COL19A1: variants seen among roughly 807,000 people sequenced by gnomAD.
COL19A1 encodes collagen alpha-1(XIX) chain.
A neutral mutation model predicts 190.2 loss-of-function variants in COL19A1; 159 were observed. The observed-to-expected ratio is 0.84, with a 90% CI of 0.73 to 0.95. The LOEUF is 0.95. Ranked by LOEUF, COL19A1 falls within the 40% of genes least tolerant of loss-of-function variation. The pLI is 0.00. For missense variants in COL19A1, 1,418 were observed against 1,431.9 expected (o/e 0.99, Z 0.16); for synonymous variants, 509 against 458.9 (o/e 1.11, Z -1.39).
chr6:70,176,740 T>C (rs1057087407), intron 42 of COL19A1, among the ~76,000 whole-genome samples, 176 bp downstream of exon 42: 1 of 152,210 alleles, frequency 6.6e-6, no homozygotes, highest in African/African-American at 2.4e-5. Context: ...TCCACAATCC[T>C]CTATTTCTTT....
chr6:69,989,553 C>CTTTTTTTTTTT lies in COL19A1; in HGVS notation c.1026+26689_1026+26699dup, dbSNP rs3072698. 6.3e-4 allele frequency among the ~76,000 whole-genome samples: 80 copies of CTTTTTTTTTTT among 126,300 alleles called. 1 individual carries two copies. Among genetic ancestry groups the CTTTTTTTTTTT allele is most frequent in the African/African-American group, 2.2e-3 (69 of 31,172 alleles). 82.9% of individuals were successfully genotyped at this position (126,300 alleles called of 152,430 possible). On this transcript the variant is annotated intron_variant, in intron 11 of 50. Transcript: ENST00000620364. ...AAACTAACATAATGAGAGTTTTTTACTTTTTTTTTTTTTTTTGCTCATCAG... is the reference window on the plus strand; with the variant it reads ...AAACTAACATAATGAGAGTTTTTTACTTTTTTTTTTTTTTTTTTTTTTTTTTTGCTCATCAG...
At chr6:70,084,983 A>T (rs1428695275) in intron 15 of COL19A1, among the ~76,000 whole-genome samples, 2 of 152,176 alleles carry the variant, frequency 1.3e-5, no homozygotes, top group Non-Finnish European at 2.9e-5. Context: ...TCAGTTATAC[A>T]ACCGAAATAA....
At chr6:69,914,081 G>A (rs1367771234) in intron 4 of COL19A1, among the ~76,000 whole-genome samples, 3 of 152,166 alleles carry the variant, frequency 2.0e-5, no homozygotes, top group Admixed American at 6.6e-5. Context: ...ATGGCATCCA[G>A]TAGGGGGACT....
chr6:70,097,506 G>A (rs1783351403), intron 15 of COL19A1, among the ~76,000 whole-genome samples: 3 of 147,516 alleles, frequency 2.0e-5, no homozygotes, highest in African/African-American at 7.3e-5. Context: ...AGACCAGCAT[G>A]GATCCTGTCT....
chr6:70,154,428 T>A (rs1375746829), intron 31 of COL19A1, among the ~76,000 whole-genome samples: 1 of 152,154 alleles, frequency 6.6e-6, no homozygotes, highest in Non-Finnish European at 1.5e-5. Context: ...TACGTGTGCA[T>A]GTGTCTTTAT....
At chr6:69,938,324 A>T (rs1773244347) in intron 9 of COL19A1, among the ~76,000 whole-genome samples, 1 of 152,088 alleles carries the variant, frequency 6.6e-6, no homozygotes, top group African/African-American at 2.4e-5. Flanking sequence ...AAGATCTGGA[A>T]CTGCAAGTCT....
chr6:70,080,507 T>C (rs1782184054), intron 15 of COL19A1, among the ~76,000 whole-genome samples: 1 of 152,250 alleles, frequency 6.6e-6, no homozygotes. Flanking sequence ...AGAGCATTTC[T>C]GTTATCAGAC....
At chr6:69,892,362 T>C (rs1365284180) in intron 2 of COL19A1, among the ~76,000 whole-genome samples, 1 of 152,170 alleles carries the variant, frequency 6.6e-6, no homozygotes, top group African/African-American at 2.4e-5. Flanking sequence ...TAAAAACAAC[T>C]AGTGAGTTTA....
At chr6:70,180,248 G>A in intron 42 of COL19A1, 64 bp from the exon 43 acceptor site, 1 of 1,582,796 alleles carries the variant, frequency 6.3e-7, no homozygotes. Context: ...GTTGGGGGAA[G>A]AGAAGCATAT....
intron 12 of COL19A1, among the ~76,000 whole-genome samples, chr6:70,025,305 C>G (rs1778674885): frequency 2.0e-5 from 3 of 152,208 alleles, no homozygotes; most frequent in Admixed American, 2.0e-4. Context: ...GCTGGGATTA[C>G]AGGCGTGAGC....
At chr6:70,168,595 C>T (rs1765310940) in intron 39 of COL19A1, 60 bp from the exon 40 acceptor site, 3 of 1,570,768 alleles carry the variant, frequency 1.9e-6, no homozygotes, top group Non-Finnish European at 1.7e-6. Context: ...AACAGTGTTT[C>T]TTATTCTGTA....
At position 70,183,110 on chromosome 6, in the gene COL19A1, G is replaced by A. The variant is rs146402868; in HGVS notation, c.2776-1593G>A. On this transcript the variant is annotated intron_variant, in intron 44 of 50. Transcript: ENST00000620364. Reference sequence around the variant, plus strand: ...ATGTGTGAAAGAGTACTTTTGGAGAGATAGAAAGGGAGTCAAATTGGGAAA... The same window carrying A: ...ATGTGTGAAAGAGTACTTTTGGAGAAATAGAAAGGGAGTCAAATTGGGAAA... 2.5e-3 allele frequency among the ~76,000 whole-genome samples: 384 copies of A among 152,244 alleles called. 2 individuals carry two copies. The highest frequency in any genetic ancestry group is 4.8e-3 in the Non-Finnish European group (327 of 68,014).
chr6:69,945,694 A>G (rs969553397), intron 9 of COL19A1, among the ~76,000 whole-genome samples: 4 of 151,944 alleles, frequency 2.6e-5, no homozygotes, highest in Non-Finnish European at 5.9e-5. Context: ...GTTTTACCCA[A>G]TTTGATATAA....
intron 15 of COL19A1, among the ~76,000 whole-genome samples, chr6:70,081,426 A>G (rs987816767): frequency 6.6e-6 from 1 of 152,192 alleles, no homozygotes; most frequent in Non-Finnish European, 1.5e-5. Flanking sequence ...GAACAAATCT[A>G]TAAAACTTTC....
intron 27 of COL19A1, 78 bp from the exon 28 acceptor site, chr6:70,149,626 C>T: frequency 9.0e-6 from 14 of 1,563,172 alleles, no homozygotes; most frequent in Non-Finnish European, 1.1e-5. Flanking sequence ...AACTACAATG[C>T]TTAGTCTTTT....
rs993383211 is a variant in COL19A1, at chr6:70,208,243, C to T, written c.*969C>T. ...CCTCAGACTTTAAGACAAGAAGCCA[C>T]CATCAAAACAAAGGATGGGATACGT... is the stretch of plus-strand genomic sequence containing the variant. On this transcript the variant is annotated 3_prime_UTR_variant, in exon 51 of 51. Transcript: ENST00000620364. The T allele has an allele frequency of 2.0e-5, 3 of 152,140 alleles. No individual in the cohort carries two copies. Among genetic ancestry groups the T allele is most frequent in the Non-Finnish European group, 4.4e-5 (3 of 68,054 alleles). 9.4% of individuals were successfully genotyped at this position (152,140 alleles called of 1,614,324 possible). A position where few individuals can be genotyped will look rare whatever the true frequency, so the allele number is the denominator to read the frequency against.
At chr6:70,004,345 G>GT (rs1244616765) in intron 11 of COL19A1, among the ~76,000 whole-genome samples, 1 of 152,096 alleles carries the variant, frequency 6.6e-6, no homozygotes, top group African/African-American at 2.4e-5. Context: ...TGATAATTAT[G>GT]TGTCTTGGGG....
At chr6:69,872,018 T>C (rs1027612548) in intron 1 of COL19A1, among the ~76,000 whole-genome samples, 10 of 152,144 alleles carry the variant, frequency 6.6e-5, no homozygotes, top group African/African-American at 7.2e-5. Flanking sequence ...GTTTTCACCA[T>C]GTTGGCCAGA....
intron 49 of COL19A1, among the ~76,000 whole-genome samples, chr6:70,204,675 T>C (rs1172401272): frequency 6.6e-6 from 1 of 152,198 alleles, no homozygotes; most frequent in African/African-American, 2.4e-5. Context: ...TTAGCCAATA[T>C]ATTCTTCATT....
Sources: gnomAD v4.1 joint callset for allele counts (sites outside exome capture counted in the v4.1 genomes callset) on GRCh38, gnomAD v4.1.1 for gene constraint, MANE v1.5 for transcripts, NCBI Gene and HGNC (gene_info 2026-07-23, HGNC 2026-07-21) for gene names.